The following MSTO1 variants were observed in gnomAD, a reference collection of about 807,000 sequenced individuals.
The protein encoded by MSTO1 is protein misato homolog 1.
A neutral mutation model predicts 55.7 loss-of-function variants in MSTO1; 24 were observed. The observed-to-expected ratio is 0.43, with a 90% CI of 0.31 to 0.61. The LOEUF (loss-of-function observed/expected upper bound fraction) is 0.61. MSTO1 is among the 20% of genes least tolerant of loss of function. The pLI is 0.09. For missense variants in MSTO1, 363 were observed against 625.7 expected, an observed-to-expected ratio of 0.58 and a Z score of 4.48; for synonymous variants, 162 against 252.8, an observed-to-expected ratio of 0.64 and a Z score of 3.41.
chr1:155,593,038 A>G, the MSTO1 span, among the ~76,000 whole-genome samples: 4 of 151,954 alleles, frequency 2.6e-5, no homozygotes, highest in African/African-American at 9.7e-5. Flanking sequence ...CAGGCTCCCC[A>G]ATAGCTGGGA....
At chr1:155,574,210 T>C in the MSTO1 span, among the ~76,000 whole-genome samples, 39 of 152,136 alleles carry the variant, frequency 2.6e-4, no homozygotes, top group East Asian at 7.0e-3. Context: ...ACACAAAAAT[T>C]AGCCAAGTGT....
chr1:155,577,805 G>A, the MSTO1 span, among the ~76,000 whole-genome samples: 3 of 152,088 alleles, frequency 2.0e-5, no homozygotes, highest in Admixed American at 2.0e-4. Flanking sequence ...GTGGAGTGGC[G>A]CGACGCTAGA....
chr1:155,610,069 T>C, upstream of MSTO1: 1 of 634,916 alleles, frequency 1.6e-6, no homozygotes, highest in South Asian at 2.0e-5. Flanking sequence ...GAAGCCGGAC[T>C]GGGCCACGTC....
the MSTO1 span, among the ~76,000 whole-genome samples, chr1:155,574,130 G>C: frequency 3.9e-5 from 6 of 152,090 alleles, no homozygotes; most frequent in African/African-American, 1.4e-4. Flanking sequence ...GGCAGAGGCA[G>C]GCATATCGCT....
At chr1:155,563,324 C>G in the MSTO1 span, 1 of 455,546 alleles carries the variant, frequency 2.2e-6, no homozygotes, top group African/African-American at 2.0e-5. Flanking sequence ...TAGTCCTCGA[C>G]TCACGGTGAG....
At chr1:155,609,251 T>A (rs1422744918), upstream of MSTO1, among the ~76,000 whole-genome samples, 13 of 103,702 alleles carry the variant, frequency 1.3e-4, no homozygotes, top group East Asian at 3.4e-3. Flanking sequence ...ATATTTTTTT[T>A]TTTTTTTTTT....
chr1:155,567,165 C>T, the MSTO1 span, among the ~76,000 whole-genome samples: 1 of 151,766 alleles, frequency 6.6e-6, no homozygotes, highest in Admixed American at 6.6e-5. Flanking sequence ...GCTCTGTCAC[C>T]CAGGTTGCAG....
chr1:155,577,444 C>T, the MSTO1 span, among the ~76,000 whole-genome samples: 2 of 152,226 alleles, frequency 1.3e-5, no homozygotes, highest in South Asian at 4.1e-4. Flanking sequence ...AGCTATTTTG[C>T]ATTCATGTTT....
At chr1:155,598,929 G>C in the MSTO1 span, 1 of 1,368,434 alleles carries the variant, frequency 7.3e-7, no homozygotes, top group Non-Finnish European at 1.0e-6. Context: ...AGAACTTCCT[G>C]TCTTGTCTTC....
upstream of MSTO1, among the ~76,000 whole-genome samples, chr1:155,609,230 TATATATATATATA>T (rs1673236249): frequency 4.1e-5 from 2 of 48,268 alleles, no homozygotes; most frequent in South Asian, 7.7e-4. Context: ...TATATATATA[TATATATATATATA>T]TTTTTTTTTT....
chr1:155,598,968 C>T, the MSTO1 span: 97 of 1,080,742 alleles, frequency 9.0e-5, no homozygotes, highest in South Asian at 2.2e-4. Context: ...ATCTTGTTAC[C>T]GTGGTAGTCT....
At chr1:155,577,333 C>G in the MSTO1 span, among the ~76,000 whole-genome samples, 2 of 152,072 alleles carry the variant, frequency 1.3e-5, no homozygotes, top group East Asian at 3.9e-4. Flanking sequence ...CGTGATCCAC[C>G]CGCCTCGGCC....
the MSTO1 span, among the ~76,000 whole-genome samples, chr1:155,603,436 G>T: frequency 1.6e-4 from 24 of 152,134 alleles, 1 homozygote; most frequent in East Asian, 3.1e-3. Context: ...ATTACAAAAA[G>T]AAATAGAATA....
the MSTO1 span, among the ~76,000 whole-genome samples, chr1:155,592,057 C>T: frequency 1.3e-5 from 2 of 152,110 alleles, no homozygotes; most frequent in African/African-American, 2.4e-5. Context: ...TGCTTTCTCT[C>T]CGGTAGATAA....
the MSTO1 span, among the ~76,000 whole-genome samples, chr1:155,587,624 G>C: frequency 6.6e-6 from 1 of 150,540 alleles, no homozygotes; most frequent in Admixed American, 6.6e-5. Flanking sequence ...GGCGCCTATA[G>C]TCCCAGCTAC....
the MSTO1 span, among the ~76,000 whole-genome samples, chr1:155,570,709 G>A: frequency 3.3e-5 from 5 of 152,010 alleles, no homozygotes; most frequent in African/African-American, 1.2e-4. Flanking sequence ...ATTTGTTACT[G>A]TGCCAGATTT....
At chr1:155,575,185 G>A in the MSTO1 span, among the ~76,000 whole-genome samples, 48 of 150,694 alleles carry the variant, frequency 3.2e-4, no homozygotes, top group Non-Finnish European at 4.7e-4. Flanking sequence ...TACTTTCTAT[G>A]AGTAAAAATA....
chr1:155,565,444 G>C, the MSTO1 span, among the ~76,000 whole-genome samples: 3 of 152,146 alleles, frequency 2.0e-5, no homozygotes, highest in African/African-American at 7.2e-5. Flanking sequence ...ACAACACTTT[G>C]AGGTAGATAA....
chr1:155,599,786 G>A, the MSTO1 span, among the ~76,000 whole-genome samples: 1 of 152,198 alleles, frequency 6.6e-6, no homozygotes, highest in Non-Finnish European at 1.5e-5. Context: ...AGGGTCAACA[G>A]ACAAACACGT....
Sources: allele counts gnomAD v4.1 joint callset (sites outside exome capture counted in the v4.1 genomes callset), GRCh38; gene constraint gnomAD v4.1.1; transcripts MANE v1.5; gene names NCBI Gene and HGNC (gene_info 2026-07-23, HGNC 2026-07-21).